CPEB4: variants seen among roughly 807,000 people sequenced by gnomAD.
The protein encoded by CPEB4 is cytoplasmic polyadenylation element-binding protein 4.
Under a neutral mutation model 72.5 loss-of-function variants are expected in CPEB4, and 12 were observed. The ratio of observed to expected loss-of-function variants is 0.17; its 90% CI spans 0.11 to 0.27. CPEB4 has a LOEUF of 0.27. Ranked by LOEUF, CPEB4 falls within the 10% of genes least tolerant of loss-of-function variation. The pLI is 1.00. For missense variants in CPEB4, 614 were observed against 908.5 expected (o/e 0.68, Z 4.17); for synonymous variants, 302 against 326.3 (o/e 0.93, Z 0.80).
At chr5:173,946,146 C>G (rs1316461950) in intron 5 of CPEB4, among the ~76,000 whole-genome samples, 1 of 152,038 alleles carries the variant, frequency 6.6e-6, no homozygotes, top group Admixed American at 6.5e-5. Flanking sequence ...AAGGTTGAGA[C>G]AGAAATGGTT....
At chr5:173,923,904 T>C (rs1757156164) in intron 2 of CPEB4, among the ~76,000 whole-genome samples, 1 of 152,192 alleles carries the variant, frequency 6.6e-6, no homozygotes, top group Non-Finnish European at 1.5e-5. Context: ...GCCTTCCTGC[T>C]TGCTGGTTTG....
chr5:173,919,382 A>T (rs1047594163), intron 2 of CPEB4, among the ~76,000 whole-genome samples: 1 of 152,234 alleles, frequency 6.6e-6, no homozygotes, highest in Non-Finnish European at 1.5e-5. Flanking sequence ...AATGATAAAT[A>T]TTAGGGACCT....
intron 1 of CPEB4, among the ~76,000 whole-genome samples, chr5:173,906,212 C>T (rs939311179): frequency 3.3e-5 from 5 of 152,168 alleles, no homozygotes; most frequent in Admixed American, 1.3e-4. Context: ...TTGACTCTTT[C>T]GTTGTTGCAT....
intron 3 of CPEB4, among the ~76,000 whole-genome samples, chr5:173,937,095 T>C (rs1020888684): frequency 7.2e-6 from 1 of 139,504 alleles, no homozygotes; most frequent in Admixed American, 8.0e-5. Context: ...CAGGCTGGAG[T>C]GCAGTGGCTC....
chr5:173,914,993 A>G (rs775412410), intron 2 of CPEB4, among the ~76,000 whole-genome samples: 3 of 152,194 alleles, frequency 2.0e-5, no homozygotes, highest in Non-Finnish European at 2.9e-5. Flanking sequence ...AATACGGCCT[A>G]AAATTGCTAC....
rs895582991 is a variant in CPEB4, at chr5:173,956,619, T to C, written c.*482T>C. 3 of 148,970 alleles carry C rather than the reference T, an allele frequency of 2.0e-5. No individual in the cohort carries two copies. Among genetic ancestry groups the C allele is most frequent in the South Asian group, 4.2e-4 (2 of 4,764 alleles). The allele number at this position is 148,970 out of a possible 1,614,324, so 9.2% of individuals were successfully genotyped here. On this transcript the variant is annotated 3_prime_UTR_variant, in exon 10 of 10. Coordinates refer to ENST00000265085, the MANE Select transcript of CPEB4 (RefSeq NM_030627.4). ...TTTTCCTTTCTTTTTTTTTTTTTTTTCATCTTTTTTGTCTCTCTCTTTTTT... is the reference window on the plus strand; with the variant it reads ...TTTTCCTTTCTTTTTTTTTTTTTTTCCATCTTTTTTGTCTCTCTCTTTTTT...
At chr5:173,938,409 A>G (rs1375860263) in intron 3 of CPEB4, among the ~76,000 whole-genome samples, 1 of 152,102 alleles carries the variant, frequency 6.6e-6, no homozygotes, top group South Asian at 2.1e-4. Flanking sequence ...TATTTTTAGT[A>G]TAGACAGGGT....
chr5:173,949,840 T>A, intron 6 of CPEB4, 120 bp from the exon 7 acceptor site: 1 of 792,388 alleles, frequency 1.3e-6, no homozygotes, highest in Non-Finnish European at 2.1e-6. Context: ...GGTATAAATA[T>A]TGTTTTAATT....
intron 2 of CPEB4, among the ~76,000 whole-genome samples, chr5:173,922,473 C>G (rs1350231455): frequency 1.3e-5 from 2 of 152,194 alleles, no homozygotes. Flanking sequence ...TCAAGCAATT[C>G]ACCTGCCTTG....
chr5:173,941,886 C>A (rs1449668835), intron 3 of CPEB4, among the ~76,000 whole-genome samples: 2 of 152,106 alleles, frequency 1.3e-5, no homozygotes, highest in Non-Finnish European at 1.5e-5. Context: ...AAAGAAAAAA[C>A]CCATCCCAGT....
At chr5:173,931,470 A>G (rs1169818553) in intron 2 of CPEB4, among the ~76,000 whole-genome samples, 1 of 152,250 alleles carries the variant, frequency 6.6e-6, no homozygotes, top group East Asian at 1.9e-4. Context: ...GTGGGACTAT[A>G]GTAGAGAACT....
At chr5:173,912,798 C>T (rs1254706609) in intron 2 of CPEB4, among the ~76,000 whole-genome samples, 2 of 149,782 alleles carry the variant, frequency 1.3e-5, no homozygotes, top group African/African-American at 2.5e-5. Context: ...AAAAATTAGC[C>T]AGGCATAGCA....
chr5:173,889,930 C>G lies in CPEB4; in HGVS notation c.197C>G (p.Ala66Gly). ...AGSAWLFPAP[A>G]THNIQDEILG... Reference sequence around the variant, plus strand: ...TCAGCTTGGCTTTTTCCTGCTCCAGCTACCCATAACATTCAGGATGAGATC... The same window carrying G: ...TCAGCTTGGCTTTTTCCTGCTCCAGGTACCCATAACATTCAGGATGAGATC... Residue 66 changes from alanine to glycine, a missense_variant, in exon 1 of 10, where the codon GCT (alanine) becomes GGT (glycine). By Grantham distance (60) the Ala-to-Gly change is moderately conservative. Coordinates refer to ENST00000265085, the MANE Select transcript of CPEB4 (RefSeq NM_030627.4). The G allele has an allele frequency of 6.2e-7, 1 of 1,614,164 alleles. No homozygotes were observed. The highest frequency in any genetic ancestry group is 8.5e-7 in the Non-Finnish European group (1 of 1,180,024).
intron 3 of CPEB4, among the ~76,000 whole-genome samples, chr5:173,934,133 C>T (rs575819600): frequency 3.9e-4 from 60 of 152,140 alleles, no homozygotes; most frequent in African/African-American, 1.2e-3. Context: ...TGCAGTGAGC[C>T]ATGATTGCAC....
chr5:173,896,512 G>C (rs1024938678), intron 1 of CPEB4, among the ~76,000 whole-genome samples: 3 of 152,152 alleles, frequency 2.0e-5, no homozygotes, highest in African/African-American at 7.2e-5. Flanking sequence ...TTTTCAATCA[G>C]TTTCTGAAGG....
At chr5:173,915,345 A>G (rs1167029121) in intron 2 of CPEB4, among the ~76,000 whole-genome samples, 1 of 152,112 alleles carries the variant, frequency 6.6e-6, no homozygotes. Context: ...TTTTGAGGCT[A>G]CTATGATTTT....
At chr5:173,944,747 G>C (rs1180929381) in intron 4 of CPEB4, among the ~76,000 whole-genome samples, 2 of 152,148 alleles carry the variant, frequency 1.3e-5, no homozygotes, top group African/African-American at 4.8e-5. Context: ...TGGGATACTT[G>C]AGTCGCCTTC....
At chr5:173,954,764 G>T (rs937119200) in intron 9 of CPEB4, among the ~76,000 whole-genome samples, 3 of 152,140 alleles carry the variant, frequency 2.0e-5, no homozygotes, top group African/African-American at 4.8e-5. Flanking sequence ...TTGGTCATTA[G>T]AAATTCAGAC....
In CPEB4 at chr5:173,947,244, T is replaced by C. The variant is rs574638900; in HGVS notation, c.1456+2104T>C. On this transcript the variant is annotated intron_variant, in intron 5 of 9. Coordinates refer to ENST00000265085, the MANE Select transcript of CPEB4 (RefSeq NM_030627.4). ...GTATAATGTAGCATAATTTGTATCA[T>C]TTAAATTGCAAAATGTGGTCAGGTC... Among the ~76,000 whole-genome samples the C allele has an allele frequency of 1.2e-4, 18 of 152,330 alleles. No individual in the cohort carries two copies. In the East Asian group the frequency reaches 2.1e-3, roughly 18 times the overall value.
Sources: gnomAD v4.1 joint callset for allele counts (sites outside exome capture counted in the v4.1 genomes callset) on GRCh38, gnomAD v4.1.1 for gene constraint, MANE v1.5 for transcripts, NCBI Gene and HGNC (gene_info 2026-07-23, HGNC 2026-07-21) for gene names.